DMD: variants seen among roughly 807,000 people sequenced by gnomAD.
The protein encoded by DMD is dystrophin.
Under a neutral mutation model 330.1 loss-of-function variants are expected in DMD, and 63 were observed. The observed-to-expected ratio is 0.19, with a 90% confidence interval of 0.16 to 0.24. The LOEUF (loss-of-function observed/expected upper bound fraction) is 0.24, where lower values mean the gene tolerates loss of function less well. Among genes scored for constraint, DMD ranks in the 10% least tolerant of loss-of-function variants. DMD has a pLI of 1.00. For missense variants in DMD, 3,344 were observed against 2,684.1 expected, an observed-to-expected ratio of 1.25 and a Z score of -5.43; for synonymous variants, 1,223 against 959.8, an observed-to-expected ratio of 1.27 and a Z score of -5.07.
At chrX:31,600,545 C>T (rs1170787948) in intron 55 of DMD, among the ~76,000 whole-genome samples, 1 of 94,223 alleles carries the variant, frequency 1.1e-5, no homozygotes, top group Non-Finnish European at 2.1e-5. Context: ...GGTATCCCTC[C>T]AGATCCAGAT....
intron 1 of DMD, among the ~76,000 whole-genome samples, chrX:33,173,005 T>G (rs1051892514): frequency 9.0e-6 from 1 of 111,629 alleles, no homozygotes; most frequent in Non-Finnish European, 1.9e-5. Context: ...AAATTTTTTT[T>G]ACATTAGAAA....
At chrX:33,287,388 T>C (rs2053448919) in intron 1 of DMD, among the ~76,000 whole-genome samples, 1 of 110,259 alleles carries the variant, frequency 9.1e-6, no homozygotes, top group Non-Finnish European at 1.9e-5. Flanking sequence ...TCCGCAGTAA[T>C]TACGATAAAA....
intron 33 of DMD, among the ~76,000 whole-genome samples, 196 bp downstream of exon 33, chrX:32,386,112 GTA>G (rs1169262806): frequency 9.1e-6 from 1 of 109,864 alleles, no homozygotes; most frequent in Non-Finnish European, 1.9e-5. Flanking sequence ...CGAAATATGT[GTA>G]TATGTTTATC....
chrX:32,781,530 G>A (rs1056208094), intron 7 of DMD, among the ~76,000 whole-genome samples: 3 of 110,608 alleles, frequency 2.7e-5, no homozygotes, highest in Admixed American at 9.7e-5. Flanking sequence ...AATATACCGG[G>A]AACACTGTAG....
chrX:31,918,540 C>G (rs2094641012), intron 47 of DMD, among the ~76,000 whole-genome samples: 1 of 112,016 alleles, frequency 8.9e-6, no homozygotes, highest in South Asian at 3.7e-4. Context: ...GAAAACTAAT[C>G]CTTCACCCGA....
chrX:31,959,733 A>C (rs1232530290), intron 45 of DMD, among the ~76,000 whole-genome samples: 1 of 104,342 alleles, frequency 9.6e-6, no homozygotes, highest in Non-Finnish European at 2.0e-5. Flanking sequence ...AATCTTAAAC[A>C]GTTGTCTTAC....
intron 55 of DMD, among the ~76,000 whole-genome samples, chrX:31,579,707 A>C (rs1225732253): frequency 8.9e-6 from 1 of 112,759 alleles, no homozygotes; most frequent in Non-Finnish European, 1.9e-5. Flanking sequence ...AACATTAAGT[A>C]AATAATAGTA....
At position 31,201,158 on chromosome X, in the gene DMD, TACACACACACAC is replaced by T. The variant is rs57235865; in HGVS notation, c.9807+2791_9807+2802del. Among the ~76,000 whole-genome samples the T allele has an allele frequency of 9.0e-3, 881 of 98,292 alleles. 5 individuals carry two copies. Among genetic ancestry groups the T allele is most frequent in the Middle Eastern group, 0.021 (4 of 191 alleles). 85.4% of individuals were successfully genotyped at this position (98,292 alleles called of 115,157 possible). ...CTAGGCAACATGGCGAGAGACCCTG[TACACACACACAC>T]ACACACACACACACACACACACACA... On this transcript the variant is annotated intron_variant, in intron 67 of 78. Transcript: ENST00000357033.
At chrX:32,057,101 T>G (rs2096181988) in intron 44 of DMD, among the ~76,000 whole-genome samples, 1 of 110,736 alleles carries the variant, frequency 9.0e-6, no homozygotes, top group Non-Finnish European at 1.9e-5. Flanking sequence ...AAACTAGGAA[T>G]AGAACGAAAT....
At chrX:31,957,986 TA>T (rs781244248) in intron 45 of DMD, among the ~76,000 whole-genome samples, 6 of 111,275 alleles carry the variant, frequency 5.4e-5, no homozygotes, top group Non-Finnish European at 1.1e-4. Flanking sequence ...AAGAACTTTG[TA>T]AATAAGTGTT....
At chrX:31,529,440 T>A (rs181033017) in intron 55 of DMD, among the ~76,000 whole-genome samples, 319 of 110,780 alleles carry the variant, frequency 2.9e-3, no homozygotes, top group Non-Finnish European at 5.2e-3. Context: ...AACACAAGAA[T>A]AACAGGGATA....
chrX:32,682,589 A>G (rs1029335700), intron 9 of DMD, among the ~76,000 whole-genome samples: 2 of 111,786 alleles, frequency 1.8e-5, no homozygotes, highest in Non-Finnish European at 3.8e-5. Flanking sequence ...TTTATGCTTG[A>G]AGAGTTCATA....
chrX:31,894,713 T>C (rs751086718), intron 47 of DMD, among the ~76,000 whole-genome samples: 3 of 112,129 alleles, frequency 2.7e-5, no homozygotes, highest in African/African-American at 9.7e-5. Flanking sequence ...GCATCTCTAT[T>C]AGACAGACAT....
chrX:31,296,020 A>C (rs1281736580), intron 62 of DMD, among the ~76,000 whole-genome samples: 1 of 108,551 alleles, frequency 9.2e-6, no homozygotes, highest in African/African-American at 3.4e-5. Flanking sequence ...GGAGACATTA[A>C]GAACTTTGGT....
At chrX:31,915,869 T>C (rs924732275) in intron 47 of DMD, among the ~76,000 whole-genome samples, 1 of 111,830 alleles carries the variant, frequency 8.9e-6, no homozygotes, top group Admixed American at 9.5e-5. Context: ...GTGTGGTAGA[T>C]TGCACTGGTG....
intron 1 of DMD, among the ~76,000 whole-genome samples, chrX:33,021,987 A>C (rs920091398): frequency 4.5e-5 from 5 of 112,058 alleles, no homozygotes; most frequent in Admixed American, 3.8e-4. Flanking sequence ...GAAATGGAAC[A>C]TTTCAAATGG....
At chrX:33,008,642 C>G (rs2093445728) in intron 2 of DMD, among the ~76,000 whole-genome samples, 1 of 108,959 alleles carries the variant, frequency 9.2e-6, no homozygotes, top group Non-Finnish European at 1.9e-5. Flanking sequence ...CCACAACGAA[C>G]TGTTTTTTTC....
At chrX:32,691,043 T>C (rs914327590) in intron 9 of DMD, among the ~76,000 whole-genome samples, 1 of 111,056 alleles carries the variant, frequency 9.0e-6, no homozygotes, top group African/African-American at 3.3e-5. Flanking sequence ...GAAAAGGCAA[T>C]CTATGGAATG....
intron 37 of DMD, among the ~76,000 whole-genome samples, chrX:32,357,473 G>A (rs2097806720): frequency 9.0e-6 from 1 of 111,104 alleles, no homozygotes; most frequent in South Asian, 3.8e-4. Context: ...ATTCACCCAA[G>A]TGCATACAAA....
Sources: gnomAD v4.1 joint callset for allele counts (sites outside exome capture counted in the v4.1 genomes callset) on GRCh38, gnomAD v4.1.1 for gene constraint, MANE v1.5 for transcripts, NCBI Gene and HGNC (gene_info 2026-07-23, HGNC 2026-07-21) for gene names.